MYO1E: variants seen among roughly 807,000 people sequenced by gnomAD.
MYO1E encodes myosin IE.
MYO1E carries 68 observed loss-of-function variants against 151.1 expected under a neutral mutation model. The observed-to-expected ratio is 0.45, with a 90% CI of 0.37 to 0.55. The LOEUF (loss-of-function observed/expected upper bound fraction) is 0.55. Ranked by LOEUF, MYO1E falls within the 20% of genes least tolerant of loss-of-function variation. MYO1E has a pLI of 0.00. For missense variants in MYO1E, 1,363 were observed against 1,389.3 expected (o/e 0.98, Z 0.30); for synonymous variants, 601 against 501.7 (o/e 1.20, Z -2.64).
At position 59,360,498 on chromosome 15, in the gene MYO1E, G is replaced by A. The variant is rs537257514; in HGVS notation, c.3+12000C>T. On this transcript the variant is annotated intron_variant, in intron 1 of 27. Coordinates refer to ENST00000288235, the MANE Select transcript of MYO1E (RefSeq NM_004998.4). ...CCTGCATTCCCCTTTCTGTCCAGCA[G>A]GCCATCGAGCCCAGCATGGTTTGGC... 3.3e-5 allele frequency among the ~76,000 whole-genome samples: 5 copies of A among 152,322 alleles called. No individual in the cohort carries two copies. The South Asian group carries it at 1.0e-3, about 32-fold the overall frequency.
At chr15:59,152,791 A>G (rs1313342745) in intron 26 of MYO1E, among the ~76,000 whole-genome samples, 2 of 152,108 alleles carry the variant, frequency 1.3e-5, no homozygotes, top group Admixed American at 6.5e-5. Context: ...CCATTTGACA[A>G]CACTACTCTG....
chr15:59,304,883 G>A (rs1336419061), intron 1 of MYO1E, among the ~76,000 whole-genome samples: 1 of 152,182 alleles, frequency 6.6e-6, no homozygotes, highest in African/African-American at 2.4e-5. Context: ...GGTCCTACAG[G>A]AAACTTTTTT....
At chr15:59,233,856 G>A (rs2080044054) in intron 5 of MYO1E, among the ~76,000 whole-genome samples, 1 of 146,152 alleles carries the variant, frequency 6.8e-6, no homozygotes, top group Non-Finnish European at 1.5e-5. Flanking sequence ...AGGTGTAACT[G>A]TAGAATACAC....
chr15:59,237,669 G>A (rs746018076), intron 4 of MYO1E, among the ~76,000 whole-genome samples: 1 of 152,192 alleles, frequency 6.6e-6, no homozygotes, highest in Non-Finnish European at 1.5e-5. Flanking sequence ...AAAATTTTAG[G>A]GCGCAGAGCA....
Position 59,178,399 on chromosome 15 carries a change from G to A in MYO1E, c.2043C>T (p.Pro681=), listed in dbSNP as rs138902023. The part of the protein sequence containing the change: ...LGRSKVFIKA[P]ESLFLLEEMR... ...GAGCCAGCCAAGCACTCACAGACTC[G>A]GGGGCTTTGATGAACACTTTACTCC... Residue 681 remains proline, a synonymous_variant, in exon 19 of 28, where the codon CCC becomes CCT. Transcript: ENST00000288235. The A allele has an allele frequency of 9.1e-5, 147 of 1,614,040 alleles. No individual in the cohort carries two copies. The highest frequency in any genetic ancestry group is 1.6e-4 in the Middle Eastern group (1 of 6,082).
chr15:59,277,914 A>T (rs1211569901), intron 1 of MYO1E, among the ~76,000 whole-genome samples: 2 of 152,198 alleles, frequency 1.3e-5, no homozygotes, highest in Admixed American at 6.5e-5. Context: ...ACTTTTGGGG[A>T]GAAGACCTGG....
At chr15:59,204,278 G>T (rs2079819328) in intron 15 of MYO1E, among the ~76,000 whole-genome samples, 1 of 152,224 alleles carries the variant, frequency 6.6e-6, no homozygotes, top group Non-Finnish European at 1.5e-5. Flanking sequence ...GTGAGGAGGG[G>T]TAGGGAGCTA....
intron 21 of MYO1E, among the ~76,000 whole-genome samples, chr15:59,172,947 C>T (rs1217741960): frequency 2.0e-5 from 3 of 152,342 alleles, no homozygotes; most frequent in Middle Eastern, 3.4e-3. Flanking sequence ...AACATGCTTC[C>T]GTTGTTTATT....
intron 9 of MYO1E, among the ~76,000 whole-genome samples, chr15:59,220,486 T>C (rs2079947733): frequency 6.6e-6 from 1 of 152,130 alleles, no homozygotes; most frequent in Non-Finnish European, 1.5e-5. Flanking sequence ...CAAAAAAGCT[T>C]GCTGTTATTA....
chr15:59,345,741 G>A lies in MYO1E; in HGVS notation c.3+26757C>T, dbSNP rs143635010. On this transcript the variant is annotated intron_variant, in intron 1 of 27. Coordinates refer to ENST00000288235, the MANE Select transcript of MYO1E (RefSeq NM_004998.4). ...GGAATGGAGGGGTATTTAGCCTGTG[G>A]ATGCTAAGGATGTATAGAATATTTA... 3.6e-3 allele frequency among the ~76,000 whole-genome samples: 548 copies of A among 152,320 alleles called. 2 individuals are homozygous for A. Among genetic ancestry groups the A allele is most frequent in the Middle Eastern group, 0.01 (3 of 294 alleles).
chr15:59,317,256 C>A (rs1250005766), intron 1 of MYO1E, among the ~76,000 whole-genome samples: 1 of 152,168 alleles, frequency 6.6e-6, no homozygotes, highest in African/African-American at 2.4e-5. Flanking sequence ...AAGGCAAACA[C>A]AGAAGTAAAC....
intron 23 of MYO1E, 144 bp from the exon 24 acceptor site, chr15:59,161,374 G>T: frequency 1.1e-6 from 1 of 947,972 alleles, no homozygotes; most frequent in Non-Finnish European, 1.5e-6. Context: ...GGGCCCTGAG[G>T]ATGCGCACCG....
chr15:59,213,129 C>CTATTTATTTATT (rs200340382), intron 12 of MYO1E, among the ~76,000 whole-genome samples: 5 of 131,946 alleles, frequency 3.8e-5, no homozygotes, highest in Non-Finnish European at 6.3e-5. Flanking sequence ...CTGCACTGAA[C>CTATTTATTTATT]TATTTATTTA....
chr15:59,192,630 G>C (rs2079741013), intron 17 of MYO1E, among the ~76,000 whole-genome samples: 1 of 152,170 alleles, frequency 6.6e-6, no homozygotes. Context: ...GCATTTGTAG[G>C]GCAAGTGAGA....
intron 26 of MYO1E, among the ~76,000 whole-genome samples, chr15:59,143,293 G>A (rs1178266573): frequency 6.6e-6 from 1 of 152,194 alleles, no homozygotes; most frequent in Non-Finnish European, 1.5e-5. Flanking sequence ...GGAGGCCAGG[G>A]CAGCTTTGAG....
At chr15:59,149,173 C>CA (rs1390565609) in intron 26 of MYO1E, among the ~76,000 whole-genome samples, 4 of 151,494 alleles carry the variant, frequency 2.6e-5, no homozygotes, top group African/African-American at 9.7e-5. Flanking sequence ...TCTCCCGCCT[C>CA]AGCCTCCTGA....
chr15:59,218,121 C>A (rs779575536), intron 9 of MYO1E, 34 bp from the exon 10 acceptor site: 1 of 1,608,914 alleles, frequency 6.2e-7, no homozygotes, highest in Non-Finnish European at 8.5e-7. Context: ...GACAATCTTT[C>A]AGAATTGTGA....
intron 1 of MYO1E, among the ~76,000 whole-genome samples, chr15:59,302,917 G>A (rs2080491629): frequency 6.6e-6 from 1 of 152,186 alleles, no homozygotes; most frequent in South Asian, 2.1e-4. Context: ...AGGACATTTT[G>A]ACCAGGGCAC....
chr15:59,269,471 G>A (rs545683282), intron 2 of MYO1E, among the ~76,000 whole-genome samples: 6 of 152,214 alleles, frequency 3.9e-5, no homozygotes, highest in South Asian at 4.1e-4. Context: ...ATTTTTTGAC[G>A]GTGTTAAGTC....
Sources: allele counts gnomAD v4.1 joint callset (sites outside exome capture counted in the v4.1 genomes callset), GRCh38; gene constraint gnomAD v4.1.1; transcripts MANE v1.5; gene names NCBI Gene and HGNC (gene_info 2026-07-23, HGNC 2026-07-21).